ERGIC1: variants seen among roughly 807,000 people sequenced by gnomAD.
ERGIC1 encodes the protein endoplasmic reticulum-golgi intermediate compartment 1, also known as endoplasmic reticulum-Golgi intermediate compartment protein 1.
In ERGIC1, 19 loss-of-function variants were observed where a neutral mutation model predicts 38.3. That is an observed-to-expected ratio of 0.50 (90% CI 0.35 to 0.73). The LOEUF is 0.73. ERGIC1 is among the 30% of genes least tolerant of loss of function. The probability of loss-of-function intolerance (pLI) is 0.01; values close to 1 mark genes in which losing one functional copy is unlikely to be tolerated. For missense variants in ERGIC1, 294 were observed against 389.2 expected, an observed-to-expected ratio of 0.76 and a Z score of 2.06; for synonymous variants, 124 against 157.6, an observed-to-expected ratio of 0.79 and a Z score of 1.60.
chr5:172,861,188 C>T (rs1487985269), intron 1 of ERGIC1, among the ~76,000 whole-genome samples: 1 of 152,232 alleles, frequency 6.6e-6, no homozygotes, highest in African/African-American at 2.4e-5. Context: ...CAGCCACACA[C>T]CCACCTCAGA....
At chr5:172,877,440 G>GTGTGTGTATATA (rs1491234878) in intron 1 of ERGIC1, among the ~76,000 whole-genome samples, 1 of 67,390 alleles carries the variant, frequency 1.5e-5, no homozygotes, top group African/African-American at 5.7e-5. Flanking sequence ...GTGTGTGTGT[G>GTGTGTGTATATA]TATATATATA....
chr5:172,875,741 G>A (rs757161489), intron 1 of ERGIC1, among the ~76,000 whole-genome samples: 4 of 152,110 alleles, frequency 2.6e-5, no homozygotes, highest in Non-Finnish European at 5.9e-5. Flanking sequence ...ACAGTCATGA[G>A]CTACCACACC....
At chr5:172,938,788 G>A (rs934409957) in intron 9 of ERGIC1, among the ~76,000 whole-genome samples, 12 of 152,046 alleles carry the variant, frequency 7.9e-5, no homozygotes, top group Admixed American at 7.2e-4. Flanking sequence ...AATCGGCCGG[G>A]CACGGTGGCT....
intron 2 of ERGIC1, among the ~76,000 whole-genome samples, chr5:172,890,380 T>C (rs1163353648): frequency 3.9e-5 from 6 of 152,122 alleles, no homozygotes; most frequent in Non-Finnish European, 8.8e-5. Context: ...CCCAGATCAG[T>C]TCCTGGAACA....
intron 3 of ERGIC1, chr5:172,898,024 C>G: frequency 4.9e-6 from 2 of 407,702 alleles, no homozygotes; most frequent in Non-Finnish European, 8.9e-6. Context: ...TGGAATTAGA[C>G]CCAGGAGCTT....
At chr5:172,902,848 A>G (rs938276427) in intron 3 of ERGIC1, among the ~76,000 whole-genome samples, 1 of 151,888 alleles carries the variant, frequency 6.6e-6, no homozygotes, top group South Asian at 2.1e-4. Context: ...CAGAGACTTC[A>G]GGCAGGAATC....
At chr5:172,944,624 G>T (rs575728961) in intron 9 of ERGIC1, among the ~76,000 whole-genome samples, 107 of 152,348 alleles carry the variant, frequency 7.0e-4, no homozygotes, top group Non-Finnish European at 9.1e-4. Flanking sequence ...CTCCCAAAGT[G>T]CTGGGATTAC....
chr5:172,902,428 T>C (rs1001230923), intron 3 of ERGIC1, among the ~76,000 whole-genome samples: 3 of 152,196 alleles, frequency 2.0e-5, no homozygotes, highest in Non-Finnish European at 4.4e-5. Flanking sequence ...AGGACATTGC[T>C]CTTAGCAATA....
chr5:172,893,764 G>A (rs1413879660), intron 2 of ERGIC1, among the ~76,000 whole-genome samples: 2 of 149,776 alleles, frequency 1.3e-5, no homozygotes, highest in African/African-American at 2.5e-5. Context: ...AGGAAAACAC[G>A]GCCACTCAGT....
intron 3 of ERGIC1, among the ~76,000 whole-genome samples, chr5:172,902,320 CAGG>C (rs1350019252): frequency 6.6e-6 from 1 of 152,118 alleles, no homozygotes; most frequent in Non-Finnish European, 1.5e-5. Flanking sequence ...GTGGCTTAAC[CAGG>C]AGGAGGAGCT....
chr5:172,930,075 C>A (rs966311664), intron 7 of ERGIC1, among the ~76,000 whole-genome samples: 1 of 151,500 alleles, frequency 6.6e-6, no homozygotes, highest in Non-Finnish European at 1.5e-5. Flanking sequence ...GTAGTCCCAG[C>A]TACTCAGGAG....
chr5:172,894,046 ATT>A (rs1308701459), intron 2 of ERGIC1, among the ~76,000 whole-genome samples: 2 of 100,376 alleles, frequency 2.0e-5, no homozygotes, highest in African/African-American at 3.6e-5. Flanking sequence ...ATACAGCTGG[ATT>A]TTTTTTTTTT....
At chr5:172,840,157 G>A (rs79946980) in intron 1 of ERGIC1, among the ~76,000 whole-genome samples, 1 of 105,428 alleles carries the variant, frequency 9.5e-6, no homozygotes, top group African/African-American at 3.5e-5. Context: ...GTTTTCCCAC[G>A]CTGACCAGTG....
chr5:172,864,811 C>T (rs1370801183), intron 1 of ERGIC1, among the ~76,000 whole-genome samples: 9 of 151,706 alleles, frequency 5.9e-5, no homozygotes, highest in Non-Finnish European at 4.4e-5. Context: ...TCATTTTGTC[C>T]TAACCACGTT....
intron 2 of ERGIC1, among the ~76,000 whole-genome samples, chr5:172,895,044 C>T (rs1203397474): frequency 1.3e-5 from 2 of 152,204 alleles, no homozygotes; most frequent in African/African-American, 2.4e-5. Context: ...ACATCCGTGA[C>T]GCTGGCTCTG....
intron 1 of ERGIC1, among the ~76,000 whole-genome samples, chr5:172,879,324 T>C (rs1762225058): frequency 6.6e-6 from 1 of 152,228 alleles, no homozygotes; most frequent in Admixed American, 6.5e-5. Context: ...TTCCTCACTC[T>C]GTAGGCAAGA....
intron 1 of ERGIC1, among the ~76,000 whole-genome samples, chr5:172,836,063 T>C (rs1406970018): frequency 6.6e-6 from 1 of 152,208 alleles, no homozygotes; most frequent in African/African-American, 2.4e-5. Flanking sequence ...CTGGGGAAAT[T>C]GCTGTTTTTG....
chr5:172,855,894 G>C lies in ERGIC1; in HGVS notation c.20+21461G>C, dbSNP rs1229980353. ...CTGGGTGCAGCCCGGCGGGGGCCAGGCCAGCGACTGTCAGCTCCTGTGGCG... is the reference window on the plus strand; with the variant it reads ...CTGGGTGCAGCCCGGCGGGGGCCAGCCCAGCGACTGTCAGCTCCTGTGGCG... On this transcript the variant is annotated intron_variant, in intron 1 of 9. Transcript: ENST00000393784. Among the ~76,000 whole-genome samples, 4 of 152,352 alleles carry C rather than the reference G, an allele frequency of 2.6e-5. No individual in the cohort carries two copies. In the East Asian group the frequency reaches 5.8e-4, roughly 22 times the overall value.
intron 3 of ERGIC1, among the ~76,000 whole-genome samples, chr5:172,902,639 G>A (rs1450031908): frequency 1.3e-5 from 2 of 152,124 alleles, no homozygotes; most frequent in East Asian, 1.9e-4. Context: ...ACTGGCTGTC[G>A]AGGGATGTAT....
Sources: allele counts gnomAD v4.1 joint callset (sites outside exome capture counted in the v4.1 genomes callset), GRCh38; gene constraint gnomAD v4.1.1; transcripts MANE v1.5; gene names NCBI Gene and HGNC (gene_info 2026-07-23, HGNC 2026-07-21).